Variants in CNKSR2 observed in about 807,000 individuals in gnomAD.
CNKSR2 encodes connector enhancer of kinase suppressor of Ras 2, also known as CNK homolog protein 2.
CNKSR2 carries 14 observed loss-of-function variants against 84.4 expected under a neutral mutation model. That is an observed-to-expected ratio of 0.17 (90% confidence interval 0.11 to 0.26). The LOEUF is 0.26. CNKSR2 is among the 10% of genes least tolerant of loss of function. CNKSR2 has a pLI of 1.00. For synonymous variants in CNKSR2, 275 were observed against 277.9 expected (o/e 0.99, Z 0.10); for missense variants, 485 against 771.2 (o/e 0.63, Z 4.40).
intron 20 of CNKSR2, among the ~76,000 whole-genome samples, chrX:21,620,192 T>G (rs1362218424): frequency 2.7e-5 from 3 of 111,223 alleles, no homozygotes; most frequent in East Asian, 2.8e-4. Context: ...ACTGAATGCT[T>G]CTTTAAATTT....
At chrX:21,596,891 A>G (rs764927875) in intron 17 of CNKSR2, among the ~76,000 whole-genome samples, 3 of 111,707 alleles carry the variant, frequency 2.7e-5, no homozygotes, top group Non-Finnish European at 3.8e-5. Context: ...ATTTATTCAC[A>G]TTCACATGGA....
intron 10 of CNKSR2, among the ~76,000 whole-genome samples, chrX:21,528,414 T>C (rs1038322145): frequency 3.6e-5 from 4 of 111,637 alleles, no homozygotes; most frequent in African/African-American, 1.3e-4. Context: ...ATTAAAAGAT[T>C]ATTTTTATCA....
intron 1 of CNKSR2, among the ~76,000 whole-genome samples, chrX:21,377,392 T>A (rs2089834198): frequency 8.9e-6 from 1 of 112,223 alleles, no homozygotes; most frequent in African/African-American, 3.2e-5. Context: ...TTAAAAATAT[T>A]TTTCATCCTG....
In CNKSR2 at chrX:21,568,555, A is replaced by T. The variant is rs745342942; in HGVS notation, c.1608+5103A>T. Among the ~76,000 whole-genome samples the T allele has an allele frequency of 2.7e-5, 3 of 111,821 alleles. No individual in the cohort carries two copies. In the South Asian group the frequency reaches 1.1e-3, roughly 42 times the overall value. On this transcript the variant is annotated intron_variant, in intron 13 of 21. Transcript: ENST00000379510. Reference sequence around the variant, plus strand: ...CAAACATTCAATTGTTTTATGTCTCATAAGTACTTTCAGCCACTCTGGCCA... The same window carrying T: ...CAAACATTCAATTGTTTTATGTCTCTTAAGTACTTTCAGCCACTCTGGCCA...
chrX:21,448,302 A>G (rs764946423), intron 4 of CNKSR2, among the ~76,000 whole-genome samples: 6 of 111,629 alleles, frequency 5.4e-5, no homozygotes, highest in Non-Finnish European at 1.1e-4. Context: ...GTAAATACAT[A>G]TCCAAAAGGA....
intron 21 of CNKSR2, among the ~76,000 whole-genome samples, chrX:21,651,850 A>C (rs2092721599): frequency 8.9e-6 from 1 of 112,149 alleles, no homozygotes; most frequent in African/African-American, 3.2e-5. Flanking sequence ...GGCCATGCTC[A>C]GTCTCATTCA....
intron 18 of CNKSR2, among the ~76,000 whole-genome samples, chrX:21,605,091 T>C (rs750835384): frequency 1.8e-5 from 2 of 111,992 alleles, no homozygotes; most frequent in African/African-American, 6.5e-5. Flanking sequence ...CGGTTATTAT[T>C]AGACCCCTTT....
intron 5 of CNKSR2, among the ~76,000 whole-genome samples, chrX:21,489,193 G>A (rs1445217755): frequency 9.0e-6 from 1 of 111,407 alleles, no homozygotes; most frequent in Non-Finnish European, 1.9e-5. Context: ...TCTCTAAAAT[G>A]TATAAAAGCA....
At chrX:21,608,951 T>G in intron 19 of CNKSR2, 120 bp from the exon 20 acceptor site, 1 of 1,006,406 alleles carries the variant, frequency 9.9e-7, no homozygotes, top group Non-Finnish European at 1.3e-6. Flanking sequence ...GCCTAGTCAT[T>G]AACATGACTA....
intron 1 of CNKSR2, among the ~76,000 whole-genome samples, chrX:21,386,206 C>T (rs749728848): frequency 1.1e-4 from 12 of 111,017 alleles, no homozygotes; most frequent in Non-Finnish European, 2.1e-4. Context: ...AGCCTTGCTA[C>T]CTGCATTTCA....
At chrX:21,534,368 G>A (rs1356378358) in intron 11 of CNKSR2, among the ~76,000 whole-genome samples, 1 of 109,696 alleles carries the variant, frequency 9.1e-6, no homozygotes, top group Admixed American at 9.7e-5. Flanking sequence ...TAATATCTTA[G>A]CTATTGTGAA....
At chrX:21,398,000 A>G (rs991713092) in intron 1 of CNKSR2, among the ~76,000 whole-genome samples, 2 of 111,968 alleles carry the variant, frequency 1.8e-5, no homozygotes, top group Non-Finnish European at 3.8e-5. Flanking sequence ...ACTTACTTCT[A>G]TATAGTAGAC....
intron 9 of CNKSR2, 146 bp from the exon 10 acceptor site, chrX:21,526,721 T>A: frequency 2.0e-6 from 1 of 502,927 alleles, no homozygotes; most frequent in African/African-American, 2.4e-5. Flanking sequence ...AATAACATGT[T>A]TCTTGATTTC....
intron 13 of CNKSR2, among the ~76,000 whole-genome samples, chrX:21,583,485 A>T (rs2092366136): frequency 8.9e-6 from 1 of 111,928 alleles, no homozygotes; most frequent in Admixed American, 9.5e-5. Context: ...TTAAAAAAAA[A>T]GTGTGGAAGC....
chrX:21,602,223 C>T, intron 18 of CNKSR2, among the ~76,000 whole-genome samples: 1 of 111,365 alleles, frequency 9.0e-6, no homozygotes, highest in Non-Finnish European at 1.9e-5. Flanking sequence ...TGACTCACTG[C>T]AGCCTCGACC....
intron 9 of CNKSR2, among the ~76,000 whole-genome samples, chrX:21,525,386 T>A (rs1224529573): frequency 9.0e-6 from 1 of 111,295 alleles, no homozygotes; most frequent in Non-Finnish European, 1.9e-5. Context: ...TTACAATTCT[T>A]CAATTAACAT....
intron 9 of CNKSR2, among the ~76,000 whole-genome samples, chrX:21,522,275 C>A (rs780638133): frequency 7.2e-5 from 8 of 110,827 alleles, no homozygotes; most frequent in Non-Finnish European, 1.3e-4. Context: ...AAATAAATGG[C>A]CAGGTTTTAT....
chrX:21,391,732 G>A (rs2090054007), intron 1 of CNKSR2, among the ~76,000 whole-genome samples: 1 of 112,395 alleles, frequency 8.9e-6, no homozygotes, highest in Non-Finnish European at 1.9e-5. Context: ...TTATGCAGAT[G>A]TCTACAGCTA....
chrX:21,583,298 A>C (rs1421656099), intron 13 of CNKSR2, among the ~76,000 whole-genome samples: 1 of 111,483 alleles, frequency 9.0e-6, no homozygotes, highest in Non-Finnish European at 1.9e-5. Context: ...AGCAGACTTA[A>C]GTTCTATGCT....
Sources: allele counts gnomAD v4.1 joint callset (sites outside exome capture counted in the v4.1 genomes callset), GRCh38; gene constraint gnomAD v4.1.1; transcripts MANE v1.5; gene names NCBI Gene and HGNC (gene_info 2026-07-23, HGNC 2026-07-21).